CTNNA2: variants seen among roughly 807,000 people sequenced by gnomAD.
CTNNA2 encodes the protein catenin alpha 2, also known as catenin alpha-2.
Under a neutral mutation model 101.0 loss-of-function variants are expected in CTNNA2, and 42 were observed. The ratio of observed to expected loss-of-function variants is 0.42; its 90% CI spans 0.32 to 0.54. CTNNA2 has a LOEUF of 0.54. CTNNA2 is among the 20% of genes least tolerant of loss of function. The pLI is 0.14. For missense variants in CTNNA2, 871 were observed against 1,223.1 expected (o/e 0.71, Z 4.29); for synonymous variants, 450 against 456.4 (o/e 0.99, Z 0.18).
chr2:79,720,107 A>T (rs544191396), intron 2 of CTNNA2, among the ~76,000 whole-genome samples: 1 of 152,150 alleles, frequency 6.6e-6, no homozygotes, highest in Non-Finnish European at 1.5e-5. Context: ...ATTCTTTTGC[A>T]TATGGCTAGC....
Position 80,043,085 on chromosome 2 carries a change from TTCTTTCTTTCTCTCTCTC to T in CTNNA2, c.1056+133292_1056+133309del, listed in dbSNP as rs1396143005. On this transcript the variant is annotated intron_variant, in intron 7 of 18. Transcript: ENST00000402739. Reference sequence around the variant, plus strand: ...TTTCTTTCTTTCTTTCTTTCTTTCTTTCTTTCTTTCTCTCTCTCTCTCTCTCTTTCTTTCTCCTTCCTT... The same window carrying T: ...TTTCTTTCTTTCTTTCTTTCTTTCTTTCTCTCTCTTTCTTTCTCCTTCCTT... 1.5e-3 allele frequency among the ~76,000 whole-genome samples: 57 copies of T among 39,296 alleles called. 3 individuals carry two copies. Among genetic ancestry groups the T allele is most frequent in the African/African-American group, 4.4e-3 (38 of 8,692 alleles). The allele number at this position is 39,296 out of a possible 152,430, so 25.8% of individuals were successfully genotyped here.
intron 7 of CTNNA2, among the ~76,000 whole-genome samples, chr2:80,259,268 A>T (rs755189385): frequency 3.3e-5 from 5 of 152,178 alleles, no homozygotes; most frequent in Non-Finnish European, 5.9e-5. Flanking sequence ...GACCCCATTT[A>T]TTCCACTGTT....
chr2:79,286,293 A>G (rs139121752), intron 2 of CTNNA2, among the ~76,000 whole-genome samples: 11 of 152,158 alleles, frequency 7.2e-5, no homozygotes, highest in Admixed American at 7.2e-4. Flanking sequence ...TTGATCTGTC[A>G]TTATGATGTT....
intron 7 of CTNNA2, among the ~76,000 whole-genome samples, chr2:80,230,391 G>T (rs1277950529): frequency 6.6e-6 from 1 of 150,842 alleles, no homozygotes; most frequent in Non-Finnish European, 1.5e-5. Flanking sequence ...CCACTGCACT[G>T]GTCTATATTC....
At chr2:80,599,306 A>T (rs1402149383) in intron 15 of CTNNA2, among the ~76,000 whole-genome samples, 1 of 152,196 alleles carries the variant, frequency 6.6e-6, no homozygotes, top group African/African-American at 2.4e-5. Context: ...AATTCTGTTA[A>T]AATTGCTATA....
At chr2:80,305,689 A>G in intron 7 of CTNNA2, among the ~76,000 whole-genome samples, 1 of 151,588 alleles carries the variant, frequency 6.6e-6, no homozygotes, top group Non-Finnish European at 1.5e-5. Context: ...CCTTACAATG[A>G]GCTCTCCCCC....
At chr2:80,380,122 C>T (rs369232123) in intron 7 of CTNNA2, among the ~76,000 whole-genome samples, 7 of 150,608 alleles carry the variant, frequency 4.6e-5, no homozygotes, top group African/African-American at 1.5e-4. Flanking sequence ...CTGCAAGCTC[C>T]GCCTCCCGGG....
chr2:79,339,856 A>G (rs1466266907), intron 3 of CTNNA2: 1 of 152,240 alleles, frequency 6.6e-6, no homozygotes, highest in Non-Finnish European at 1.5e-5. Flanking sequence ...GCTCAAACTC[A>G]TACAAGGTGA....
intron 2 of CTNNA2, among the ~76,000 whole-genome samples, chr2:79,706,375 A>T (rs898705980): frequency 6.6e-6 from 1 of 151,630 alleles, no homozygotes; most frequent in Non-Finnish European, 1.5e-5. Context: ...AAAAAAAAAA[A>T]AAAAAAAAAA....
At chr2:79,682,458 T>C (rs1402336198) in intron 2 of CTNNA2, among the ~76,000 whole-genome samples, 2 of 150,568 alleles carry the variant, frequency 1.3e-5, no homozygotes, top group South Asian at 4.2e-4. Flanking sequence ...TGAATCTATA[T>C]TGGTTTGAAG....
At chr2:79,988,288 G>A (rs557341787) in intron 7 of CTNNA2, among the ~76,000 whole-genome samples, 1 of 152,212 alleles carries the variant, frequency 6.6e-6, no homozygotes, top group African/African-American at 2.4e-5. Flanking sequence ...TTAGACTATC[G>A]CCACCATCAG....
intron 7 of CTNNA2, among the ~76,000 whole-genome samples, chr2:79,925,386 G>A (rs1686956156): frequency 6.6e-6 from 1 of 152,036 alleles, no homozygotes; most frequent in African/African-American, 2.4e-5. Context: ...AGTGACAAGA[G>A]AAATATACAT....
intron 2 of CTNNA2, among the ~76,000 whole-genome samples, chr2:79,297,914 C>G (rs1676019606): frequency 6.6e-6 from 1 of 152,186 alleles, no homozygotes; most frequent in East Asian, 1.9e-4. Context: ...TCATCTATCT[C>G]TCATTTGATC....
At chr2:80,426,525 C>A (rs770612269) in intron 9 of CTNNA2, among the ~76,000 whole-genome samples, 39 of 152,274 alleles carry the variant, frequency 2.6e-4, no homozygotes, top group Admixed American at 4.6e-4. Context: ...CCACAGGCCT[C>A]TTTTATCTGC....
chr2:80,284,125 A>G (rs1393754777), intron 7 of CTNNA2, among the ~76,000 whole-genome samples: 1 of 152,134 alleles, frequency 6.6e-6, no homozygotes, highest in African/African-American at 2.4e-5. Flanking sequence ...ACAAGTTCTC[A>G]CTGGATTATT....
intron 7 of CTNNA2, among the ~76,000 whole-genome samples, chr2:80,168,204 C>T (rs1282524783): frequency 2.0e-5 from 3 of 152,076 alleles, no homozygotes; most frequent in Non-Finnish European, 2.9e-5. Context: ...TTTCTTTCCC[C>T]CTCCAGCCTC....
At chr2:79,349,516 T>G (rs1208690318) in intron 3 of CTNNA2, among the ~76,000 whole-genome samples, 9 of 152,168 alleles carry the variant, frequency 5.9e-5, no homozygotes, top group Non-Finnish European at 1.5e-5. Context: ...CTATTCTGAT[T>G]GTGAAGGAGA....
At chr2:80,171,883 T>C (rs1224502148) in intron 7 of CTNNA2, among the ~76,000 whole-genome samples, 1 of 152,180 alleles carries the variant, frequency 6.6e-6, no homozygotes, top group Non-Finnish European at 1.5e-5. Flanking sequence ...GGAGACAATT[T>C]AATATCTCTG....
intron 1 of CTNNA2, among the ~76,000 whole-genome samples, chr2:79,648,832 A>G (rs1681013822): frequency 1.3e-5 from 2 of 152,200 alleles, no homozygotes; most frequent in Admixed American, 6.5e-5. Context: ...TCTCAACTGT[A>G]TCAGAAACAG....
Sources: gnomAD v4.1 joint callset for allele counts (sites outside exome capture counted in the v4.1 genomes callset) on GRCh38, gnomAD v4.1.1 for gene constraint, MANE v1.5 for transcripts, NCBI Gene and HGNC (gene_info 2026-07-23, HGNC 2026-07-21) for gene names.